SNX29: variants seen among roughly 807,000 people sequenced by gnomAD.
SNX29 encodes the protein sorting nexin-29.
SNX29 carries 78 observed loss-of-function variants against 102.1 expected under a neutral mutation model. The observed-to-expected ratio is 0.76, with a 90% CI of 0.64 to 0.92. SNX29 has a LOEUF of 0.92. Among genes scored for constraint, SNX29 ranks in the 40% least tolerant of loss-of-function variants. The pLI is 0.00. For synonymous variants in SNX29, 580 were observed against 414.5 expected (o/e 1.40, Z -4.85); for missense variants, 1,280 against 1,061.7 (o/e 1.21, Z -2.86).
intron 11 of SNX29, among the ~76,000 whole-genome samples, chr16:12,119,622 G>C (rs569314297): frequency 6.6e-6 from 1 of 152,346 alleles, no homozygotes; most frequent in African/African-American, 2.4e-5. Flanking sequence ...GAGAAAGACT[G>C]GGAGAACTGC....
chr16:12,311,812 C>G (rs2080561968), intron 15 of SNX29, among the ~76,000 whole-genome samples: 2 of 152,238 alleles, frequency 1.3e-5, no homozygotes, highest in African/African-American at 4.8e-5. Flanking sequence ...CAGCCTAAAA[C>G]TGGGGCTTGT....
chr16:12,545,313 G>A (rs536294645), intron 20 of SNX29, among the ~76,000 whole-genome samples: 3 of 150,390 alleles, frequency 2.0e-5, no homozygotes, highest in East Asian at 1.9e-4. Flanking sequence ...TGGAAGACTC[G>A]CATCCACCAG....
At chr16:12,450,946 C>G (rs1448259842) in intron 18 of SNX29, among the ~76,000 whole-genome samples, 1 of 152,096 alleles carries the variant, frequency 6.6e-6, no homozygotes, top group Admixed American at 6.5e-5. Flanking sequence ...GCCCAGTAAG[C>G]AAACCGAGAT....
intron 11 of SNX29, among the ~76,000 whole-genome samples, chr16:12,084,120 A>G (rs779450125): frequency 6.6e-6 from 1 of 151,998 alleles, no homozygotes; most frequent in Non-Finnish European, 1.5e-5. Context: ...ACTTCAGAAA[A>G]TACAAAAGCC....
rs72773398 is a variant in SNX29, at chr16:12,556,998, C to G, written c.2319-11508C>G. On this transcript the variant is annotated intron_variant, in intron 20 of 20. Coordinates refer to ENST00000566228, the MANE Select transcript of SNX29 (RefSeq NM_032167.5). ...TGAGTAGCTGGACAACAGGTACACACCACATCTGGCTAATTTACCCCCCCC... is the reference window on the plus strand; with the variant it reads ...TGAGTAGCTGGACAACAGGTACACAGCACATCTGGCTAATTTACCCCCCCC... Among the ~76,000 whole-genome samples the G allele has an allele frequency of 3.9e-3, 537 of 138,312 alleles. 3 individuals carry two copies. The highest frequency in any genetic ancestry group is 6.3e-3 in the Non-Finnish European group (407 of 64,644). 90.7% of individuals were successfully genotyped at this position (138,312 alleles called of 152,430 possible).
intron 19 of SNX29, among the ~76,000 whole-genome samples, chr16:12,479,796 T>G (rs2087822914): frequency 6.6e-6 from 1 of 152,204 alleles, no homozygotes; most frequent in Admixed American, 6.5e-5. Flanking sequence ...GGAGTGGCCC[T>G]TCCGTGACAG....
chr16:12,337,377 T>G (rs1030218389), intron 15 of SNX29, among the ~76,000 whole-genome samples: 1 of 152,076 alleles, frequency 6.6e-6, no homozygotes, highest in African/African-American at 2.4e-5. Flanking sequence ...GGTCTTGCTG[T>G]GCTACCCAGG....
chr16:12,047,033 G>A (rs2050116979), intron 6 of SNX29, among the ~76,000 whole-genome samples: 1 of 152,200 alleles, frequency 6.6e-6, no homozygotes. Flanking sequence ...TTGGAGGTGG[G>A]AGACCTACCT....
Position 12,277,917 on chromosome 16 carries a change from C to A in SNX29, c.1679-16C>A. The A allele has an allele frequency of 6.3e-7, 1 of 1,588,194 alleles. No individual in the cohort carries two copies. The highest frequency in any genetic ancestry group is 8.6e-7 in the Non-Finnish European group (1 of 1,164,708). The stretch of plus-strand genomic sequence containing the variant: ...TACTGTTGAAATATTTATGACATGT[C>A]TCTCTTTCTCTAAAGTGCCAAATCT... On this transcript the variant is annotated splice_polypyrimidine_tract_variant and intron_variant, in intron 14 of 20. Transcript: ENST00000566228.
intron 1 of SNX29, among the ~76,000 whole-genome samples, chr16:11,997,093 C>T (rs551381360): frequency 5.9e-5 from 9 of 152,286 alleles, no homozygotes; most frequent in African/African-American, 1.9e-4. Flanking sequence ...CAAATTTCAA[C>T]AGTCTAACCC....
At chr16:12,024,081 G>T (rs1028261765) in intron 3 of SNX29, among the ~76,000 whole-genome samples, 1 of 151,818 alleles carries the variant, frequency 6.6e-6, no homozygotes, top group Admixed American at 6.6e-5. Context: ...AAGAAGCTCA[G>T]AATGAGGAAA....
intron 10 of SNX29, among the ~76,000 whole-genome samples, chr16:12,070,453 T>C (rs1488004159): frequency 6.6e-6 from 1 of 151,680 alleles, no homozygotes; most frequent in Non-Finnish European, 1.5e-5. Context: ...TTGCGATAGT[T>C]TACCGAGAAT....
chr16:12,531,819 C>T (rs2076939539), intron 20 of SNX29, among the ~76,000 whole-genome samples: 1 of 152,186 alleles, frequency 6.6e-6, no homozygotes, highest in Non-Finnish European at 1.5e-5. Context: ...GAGTGAACGT[C>T]TTCTAGGATG....
chr16:12,454,778 G>A (rs2086463378), intron 18 of SNX29, among the ~76,000 whole-genome samples: 1 of 152,062 alleles, frequency 6.6e-6, no homozygotes, highest in Admixed American at 6.5e-5. Flanking sequence ...GGAGTGCAGT[G>A]GCGTGATCTC....
intron 14 of SNX29, among the ~76,000 whole-genome samples, chr16:12,275,426 A>C (rs576873306): frequency 6.6e-6 from 1 of 152,248 alleles, no homozygotes; most frequent in Non-Finnish European, 1.5e-5. Context: ...GAGAATAAAC[A>C]TGTATATTTT....
At chr16:12,562,909 G>A (rs1382924165) in intron 20 of SNX29, among the ~76,000 whole-genome samples, 1 of 152,162 alleles carries the variant, frequency 6.6e-6, no homozygotes, top group Non-Finnish European at 1.5e-5. Context: ...ATGTGCTTGA[G>A]ATTCGTCCAT....
At chr16:12,321,216 T>G (rs2080920393) in intron 15 of SNX29, among the ~76,000 whole-genome samples, 1 of 152,122 alleles carries the variant, frequency 6.6e-6, no homozygotes, top group Admixed American at 6.5e-5. Flanking sequence ...TGCTCAGACC[T>G]CATAGTCCCC....
At chr16:12,458,602 G>A (rs993703337) in intron 18 of SNX29, among the ~76,000 whole-genome samples, 1 of 152,182 alleles carries the variant, frequency 6.6e-6, no homozygotes, top group South Asian at 2.1e-4. Flanking sequence ...TGGCTGCAAG[G>A]TTGTCCCAGC....
At chr16:12,029,107 C>CT (rs908613109) in intron 4 of SNX29, among the ~76,000 whole-genome samples, 10,343 of 143,952 alleles carry the variant, frequency 0.072, 380 homozygotes, top group Non-Finnish European at 0.09. Context: ...CAGATGTTTG[C>CT]TTTTTTTTTT....
Sources: gnomAD v4.1 joint callset for allele counts (sites outside exome capture counted in the v4.1 genomes callset) on GRCh38, gnomAD v4.1.1 for gene constraint, MANE v1.5 for transcripts, NCBI Gene and HGNC (gene_info 2026-07-23, HGNC 2026-07-21) for gene names.